GSTA5: variants seen among roughly 807,000 people sequenced by gnomAD.
The protein encoded by GSTA5 is glutathione S-transferase alpha 5.
Under a neutral mutation model 21.8 loss-of-function variants are expected in GSTA5, and 25 were observed. The ratio of observed to expected loss-of-function variants is 1.14; its 90% CI spans 0.83 to 1.60. The LOEUF is 1.60. Among genes scored for constraint, GSTA5 ranks in the 40% most tolerant of loss-of-function variants. The pLI, the probability that GSTA5 is intolerant of heterozygous loss-of-function variation, is 0.00. For synonymous variants in GSTA5, 102 were observed against 89.5 expected (o/e 1.14, Z -0.78); for missense variants, 330 against 259.2 (o/e 1.27, Z -1.88).
At chr6:52,841,082 G>A (rs1764372101), upstream of GSTA5, among the ~76,000 whole-genome samples, 1 of 152,070 alleles carries the variant, frequency 6.6e-6, no homozygotes, top group Non-Finnish European at 1.5e-5. Context: ...GAGAGTATGT[G>A]GTAATAATAC....
At chr6:52,837,693 G>T in intron 1 of GSTA5, 84 bp from the exon 2 acceptor site, 1 of 939,320 alleles carries the variant, frequency 1.1e-6, no homozygotes, top group Non-Finnish European at 1.7e-6. Context: ...TCTGGTGCAT[G>T]ATTTGGAGAA....
At chr6:52,845,178 C>A (rs1201475056), upstream of GSTA5, among the ~76,000 whole-genome samples, 1 of 152,090 alleles carries the variant, frequency 6.6e-6, no homozygotes, top group Non-Finnish European at 1.5e-5. Flanking sequence ...ATTCACTAAT[C>A]AGTCCACCTG....
chr6:52,832,011 C>T lies in GSTA5; in HGVS notation c.547-41G>A, dbSNP rs201038780. The T allele has an allele frequency of 7.9e-5, 125 of 1,580,846 alleles. 1 individual carries two copies. In the African/African-American group the frequency reaches 1.1e-3, roughly 14 times the overall value. ...CACAGCCTCAGAGTGAAGCCAAGGCCGGCCACCATCATTAAGATGACCCAG... is the reference window on the plus strand; with the variant it reads ...CACAGCCTCAGAGTGAAGCCAAGGCTGGCCACCATCATTAAGATGACCCAG... On this transcript the variant is annotated intron_variant, in intron 5 of 5. Transcript: ENST00000370989.
upstream of GSTA5, among the ~76,000 whole-genome samples, chr6:52,842,528 C>G (rs1279804614): frequency 6.6e-6 from 1 of 151,634 alleles, no homozygotes; most frequent in Admixed American, 6.6e-5. Context: ...GCCTCAGCCT[C>G]CCAAGTAGCT....
At chr6:52,833,824 T>G (rs1764251595) in intron 4 of GSTA5, among the ~76,000 whole-genome samples, 2 of 152,322 alleles carry the variant, frequency 1.3e-5, no homozygotes, top group South Asian at 4.1e-4. Flanking sequence ...TTCCATAGAC[T>G]CAACAGCAAC....
At chr6:52,843,157 G>A (rs1333635280), upstream of GSTA5, among the ~76,000 whole-genome samples, 2 of 152,154 alleles carry the variant, frequency 1.3e-5, no homozygotes, top group African/African-American at 4.8e-5. Context: ...ATCATTGATG[G>A]GCATTTGGGT....
chr6:52,833,541 C>T (rs901399225), intron 4 of GSTA5, among the ~76,000 whole-genome samples: 4 of 152,168 alleles, frequency 2.6e-5, no homozygotes, highest in African/African-American at 9.7e-5. Flanking sequence ...CTTACAGCAT[C>T]GACTCTGGTT....
chr6:52,832,712 G>A, intron 5 of GSTA5, 147 bp downstream of exon 5: 2 of 1,335,112 alleles, frequency 1.5e-6, no homozygotes, highest in Admixed American at 4.3e-5. Flanking sequence ...CTTCAAAATT[G>A]GAGCCTGGAA....
At chr6:52,835,447 T>G (rs954709063) in intron 3 of GSTA5, among the ~76,000 whole-genome samples, 4 of 152,192 alleles carry the variant, frequency 2.6e-5, no homozygotes, top group Non-Finnish European at 5.9e-5. Flanking sequence ...TTCCACTTTT[T>G]GAATACTATG....
chr6:52,834,769 C>T (rs888899523), intron 3 of GSTA5, among the ~76,000 whole-genome samples: 23 of 152,176 alleles, frequency 1.5e-4, no homozygotes, highest in African/African-American at 4.8e-4. Context: ...CATCATTTTA[C>T]AGCTCCCAGG....
At position 52,834,635 on chromosome 6, in the gene GSTA5, A is replaced by G. The variant is rs114873152; in HGVS notation, c.273-353T>C. ...CACTGATGCTGTGCCAGGATTTATC[A>G]TCTCAATTGTGGCTTGTTCTGTGCA... On this transcript the variant is annotated intron_variant, in intron 3 of 5. Coordinates refer to ENST00000370989, the Ensembl canonical transcript of GSTA5. Among the ~76,000 whole-genome samples the G allele has an allele frequency of 4.1e-3, 629 of 152,282 alleles. 5 individuals carry two copies. Among genetic ancestry groups the G allele is most frequent in the African/African-American group, 0.014 (590 of 41,554 alleles).
At chr6:52,840,706 A>G in intron 1 of GSTA5, 21 bp downstream of exon 1, 1 of 1,606,012 alleles carries the variant, frequency 6.2e-7, no homozygotes, top group Non-Finnish European at 8.5e-7. Flanking sequence ...CCAACTTAAG[A>G]TGACCTTACT....
At chr6:52,833,893 G>A (rs1764252994) in intron 4 of GSTA5, among the ~76,000 whole-genome samples, 2 of 152,202 alleles carry the variant, frequency 1.3e-5, no homozygotes, top group African/African-American at 4.8e-5. Context: ...ATGAAATTTT[G>A]TTGAACAGAG....
intron 5 of GSTA5, 25 bp from the exon 6 acceptor site, chr6:52,831,995 A>C (rs1314241776): frequency 6.3e-7 from 1 of 1,597,604 alleles, no homozygotes; most frequent in African/African-American, 1.4e-5. Flanking sequence ...GCACAGCCTC[A>C]GAGTGAAGCC....
At chr6:52,833,063 C>T (rs1764240516) in intron 4 of GSTA5, 73 bp from the exon 5 acceptor site, 1 of 1,571,442 alleles carries the variant, frequency 6.4e-7, no homozygotes, top group Non-Finnish European at 8.7e-7. Flanking sequence ...TTCAGAGCCT[C>T]TCCACCCTGA....
upstream of GSTA5, among the ~76,000 whole-genome samples, chr6:52,844,004 C>A (rs1353995974): frequency 8.0e-6 from 1 of 125,622 alleles, no homozygotes; most frequent in Non-Finnish European, 1.7e-5. Flanking sequence ...AAAATGAGAA[C>A]CTGAGAGCTC....
chr6:52,839,672 C>T (rs1316712101), intron 1 of GSTA5, among the ~76,000 whole-genome samples: 1 of 152,174 alleles, frequency 6.6e-6, no homozygotes, highest in Non-Finnish European at 1.5e-5. Flanking sequence ...TGAGTTTGTC[C>T]ATGACTCACT....
chr6:52,839,560 C>A (rs1329677296), intron 1 of GSTA5, among the ~76,000 whole-genome samples: 1 of 152,198 alleles, frequency 6.6e-6, no homozygotes, highest in Non-Finnish European at 1.5e-5. Flanking sequence ...CAGGTCCACA[C>A]GGCGCTGTGA....
chr6:52,845,405 G>A (rs1238915785), upstream of GSTA5, among the ~76,000 whole-genome samples: 4 of 152,170 alleles, frequency 2.6e-5, no homozygotes, highest in African/African-American at 9.7e-5. Context: ...AAAGGGCAGG[G>A]ACGCTTAGAA....
Sources: allele counts gnomAD v4.1 joint callset (sites outside exome capture counted in the v4.1 genomes callset), GRCh38; gene constraint gnomAD v4.1.1; transcripts MANE v1.5; gene names NCBI Gene and HGNC (gene_info 2026-07-23, HGNC 2026-07-21).